DDX3Y: variants seen among roughly 807,000 people sequenced by gnomAD.
The protein encoded by DDX3Y is DEAD-box helicase 3 Y-linked, also known as ATP-dependent RNA helicase DDX3Y.
In DDX3Y, 2 loss-of-function variants were observed where a neutral mutation model predicts 15.1. That is an observed-to-expected ratio of 0.13 (90% CI 0.05 to 0.42). DDX3Y has a LOEUF of 0.42. DDX3Y is among the 10% of genes least tolerant of loss of function. DDX3Y has a pLI of 0.99. For missense variants in DDX3Y, 81 were observed against 149.9 expected, an observed-to-expected ratio of 0.54 and a Z score of 2.40; for synonymous variants, 47 against 45.0, an observed-to-expected ratio of 1.04 and a Z score of -0.18.
chrY:12,917,248 G>C, intron 15 of DDX3Y, among the ~76,000 whole-genome samples, 155 bp from the exon 16 acceptor site: 1 of 34,119 alleles, frequency 2.9e-5, no homozygotes, highest in Non-Finnish European at 7.3e-5. Context: ...TAGAAACACT[G>C]TTAGAACACA....
At chrY:12,916,693 AC>A (rs2053649092) in intron 14 of DDX3Y, 59 bp downstream of exon 14, 1 of 277,014 alleles carries the variant, frequency 3.6e-6, no homozygotes. Context: ...AGGATTTGAC[AC>A]AGAATCTTAA....
At chrY:12,915,449 T>C in intron 10 of DDX3Y, 181 bp from the exon 11 acceptor site, 1 of 173,644 alleles carries the variant, frequency 5.8e-6, no homozygotes, top group East Asian at 1.1e-4. Flanking sequence ...CCTTGAGCAT[T>C]TCATCTCATG....
chrY:12,917,120 G>C, intron 15 of DDX3Y, 60 bp downstream of exon 15: 1 of 336,027 alleles, frequency 3.0e-6, no homozygotes, highest in South Asian at 3.4e-5. Flanking sequence ...GAAGCTTTCA[G>C]AGTTAACTTA....
chrY:12,911,223 A>G (rs2053626651), intron 3 of DDX3Y, among the ~76,000 whole-genome samples: 1 of 33,292 alleles, frequency 3.0e-5, no homozygotes, highest in Non-Finnish European at 7.4e-5. Flanking sequence ...TCCATCTGAC[A>G]TATTTCTTCT....
intron 10 of DDX3Y, 65 bp downstream of exon 10, chrY:12,915,292 A>G: frequency 3.1e-6 from 1 of 325,375 alleles, no homozygotes; most frequent in Non-Finnish European, 4.6e-6. Flanking sequence ...CTTTTGTTGT[A>G]TTTTACTAGT....
In DDX3Y at chrY:12,920,418, A is replaced by G; in HGVS notation, c.*2296A>G. 2 of 34,213 alleles carry G rather than the reference A, an allele frequency of 5.8e-5. No individual in the cohort carries two copies. Among genetic ancestry groups the G allele is most frequent in the African/African-American group, 1.1e-4 (1 of 8,710 alleles). The allele number at this position is 34,213 out of a possible 400,897, so 8.5% of individuals were successfully genotyped here. On this transcript the variant is annotated 3_prime_UTR_variant, in exon 17 of 17. Coordinates refer to ENST00000336079, the MANE Select transcript of DDX3Y (RefSeq NM_004660.5). ...TAATTGCTTATTGTATTAGTTTTAGATGCTGGCACTGCATGTGCTCTGTTT... is the reference window on the plus strand; with the variant it reads ...TAATTGCTTATTGTATTAGTTTTAGGTGCTGGCACTGCATGTGCTCTGTTT...
Position 12,918,126 on chromosome Y carries a change from T to C in DDX3Y, c.*4T>C. ...GGTTGACTGGTGGGGCAACTGAATC[T>C]GCTTTGCAGCAAAGTCACCCTTACA... On this transcript the variant is annotated 3_prime_UTR_variant, in exon 17 of 17. Transcript: ENST00000336079. The C allele has an allele frequency of 2.6e-6, 1 of 383,392 alleles. No individual in the cohort carries two copies. Among genetic ancestry groups the C allele is most frequent in the Non-Finnish European group, 3.6e-6 (1 of 274,616 alleles).
chrY:12,906,209 G>A, intron 1 of DDX3Y, among the ~76,000 whole-genome samples: 11 of 33,322 alleles, frequency 3.3e-4, no homozygotes, highest in Admixed American at 3.0e-3. Context: ...CCAAGTCTAG[G>A]GGAGAGAATG....
At position 12,915,633 on chromosome Y, in the gene DDX3Y, C is replaced by T. The variant is rs779876878; in HGVS notation, c.1023C>T (p.Tyr341=). Residue 341 remains tyrosine, a synonymous_variant, in exon 11 of 17, where the codon TAC becomes TAT. Coordinates refer to ENST00000336079, the MANE Select transcript of DDX3Y (RefSeq NM_004660.5). ...RGKIGLDFCK[Y]LVLDEADRML... is the part of the protein sequence containing the mutation. ...CAACTGAGGGTTTTCGTAATAGGTA[C>T]TTAGTGTTGGATGAAGCTGATAGGA... The T allele has an allele frequency of 2.5e-6, 1 of 397,498 alleles. No individual in the cohort carries two copies. Among genetic ancestry groups the T allele is most frequent in the Non-Finnish European group, 3.5e-6 (1 of 282,519 alleles).
chrY:12,916,723 T>C (rs2053649413), intron 14 of DDX3Y, 89 bp downstream of exon 14: 1 of 260,072 alleles, frequency 3.8e-6, no homozygotes, highest in African/African-American at 7.7e-5. Flanking sequence ...TGTTTATTTT[T>C]GAGGTAAAAT....
chrY:12,911,232 C>G (rs934164398), intron 3 of DDX3Y, among the ~76,000 whole-genome samples: 1 of 33,492 alleles, frequency 3.0e-5, no homozygotes, highest in Non-Finnish European at 7.4e-5. Context: ...CATATTTCTT[C>G]TGATTATGTA....
chrY:12,913,231 C>T, intron 6 of DDX3Y, among the ~76,000 whole-genome samples, 169 bp downstream of exon 6: 1 of 33,633 alleles, frequency 3.0e-5, no homozygotes, highest in South Asian at 6.6e-4. Context: ...TGTTCTGTCA[C>T]GCAGGCTGGA....
chrY:12,907,028 GT>G (rs555293982), intron 1 of DDX3Y, among the ~76,000 whole-genome samples: 15 of 24,585 alleles, frequency 6.1e-4, no homozygotes, highest in Non-Finnish European at 1.0e-3. Flanking sequence ...ACATAGTGAA[GT>G]TTTTTTTTTT....
chrY:12,920,443 T>A lies in DDX3Y; in HGVS notation c.*2321T>A. On this transcript the variant is annotated 3_prime_UTR_variant, in exon 17 of 17. Transcript: ENST00000336079. ...ATGCTGGCACTGCATGTGCTCTGTT[T>A]ATTCTGATTTTACTAAAATAAAAAG... is the stretch of plus-strand genomic sequence containing the variant. The A allele has an allele frequency of 2.9e-5, 1 of 34,258 alleles. No individual in the cohort carries two copies. 8.5% of individuals were successfully genotyped at this position (34,258 alleles called of 400,897 possible). A position where few individuals can be genotyped will look rare whatever the true frequency, so the allele number is the denominator to read the frequency against.
intron 2 of DDX3Y, 38 bp from the exon 3 acceptor site, chrY:12,909,322 G>A (rs1174493857): frequency 5.6e-6 from 2 of 357,932 alleles, no homozygotes; most frequent in Non-Finnish European, 8.0e-6. Context: ...GTATCTTGGC[G>A]ATGTTATAGG....
intron 1 of DDX3Y, among the ~76,000 whole-genome samples, chrY:12,906,595 G>T: frequency 3.0e-5 from 1 of 33,597 alleles, no homozygotes; most frequent in Non-Finnish European, 7.4e-5. Flanking sequence ...TTCATGTAAT[G>T]TGATAGTATC....
chrY:12,920,424 G>A lies in DDX3Y; in HGVS notation c.*2302G>A, dbSNP rs2053663987. On this transcript the variant is annotated 3_prime_UTR_variant, in exon 17 of 17. Coordinates refer to ENST00000336079, the MANE Select transcript of DDX3Y (RefSeq NM_004660.5). ...CTTATTGTATTAGTTTTAGATGCTG[G>A]CACTGCATGTGCTCTGTTTATTCTG... The A allele has an allele frequency of 8.8e-5, 3 of 34,119 alleles. No individual in the cohort carries two copies. Among genetic ancestry groups the A allele is most frequent in the Non-Finnish European group, 2.2e-4 (3 of 13,655 alleles). The allele number at this position is 34,119 out of a possible 400,897, so 8.5% of individuals were successfully genotyped here. A position where few individuals can be genotyped will look rare whatever the true frequency, so the allele number is the denominator to read the frequency against.
intron 2 of DDX3Y, 75 bp from the exon 3 acceptor site, chrY:12,909,285 T>C: frequency 3.4e-6 from 1 of 294,634 alleles, no homozygotes; most frequent in Non-Finnish European, 5.0e-6. Flanking sequence ...CCAGGACCTA[T>C]TTTTTAATAG....
chrY:12,911,283 C>T, intron 3 of DDX3Y, among the ~76,000 whole-genome samples: 1 of 32,847 alleles, frequency 3.0e-5, no homozygotes, highest in Non-Finnish European at 7.5e-5. Flanking sequence ...ACCCACAGTC[C>T]CTGAGGTAAT....
Sources: allele counts gnomAD v4.1 joint callset (sites outside exome capture counted in the v4.1 genomes callset), GRCh38; gene constraint gnomAD v4.1.1; transcripts MANE v1.5; gene names NCBI Gene and HGNC (gene_info 2026-07-23, HGNC 2026-07-21).